The following ZNF727 variants were observed in gnomAD, a reference collection of about 807,000 sequenced individuals.
ZNF727 encodes the protein zinc finger protein 727, also known as putative zinc finger protein 727.
Under a neutral mutation model 11.5 loss-of-function variants are expected in ZNF727, and 11 were observed. That is an observed-to-expected ratio of 0.95 (90% CI 0.60 to 1.58). ZNF727 has a LOEUF of 1.58. Among genes scored for constraint, ZNF727 ranks in the 40% most tolerant of loss-of-function variants. The pLI, the probability that ZNF727 is intolerant of heterozygous loss-of-function variation, is 0.00. For synonymous variants in ZNF727, 171 were observed against 196.1 expected, an observed-to-expected ratio of 0.87 and a Z score of 1.07; for missense variants, 533 against 581.7, an observed-to-expected ratio of 0.92 and a Z score of 0.86.
chr7:64,076,454 T>C (rs1416129152), intron 3 of ZNF727, among the ~76,000 whole-genome samples: 1 of 152,008 alleles, frequency 6.6e-6, no homozygotes, highest in Non-Finnish European at 1.5e-5. Flanking sequence ...CTAGTAAACA[T>C]ACAAAATTAG....
intron 1 of ZNF727, among the ~76,000 whole-genome samples, chr7:64,051,677 C>A (rs1789600495): frequency 6.6e-6 from 1 of 152,092 alleles, no homozygotes; most frequent in South Asian, 2.1e-4. Context: ...AGCTGGAATG[C>A]TGTTTTGCTA....
At chr7:64,076,052 G>A (rs1283315093) in intron 3 of ZNF727, among the ~76,000 whole-genome samples, 8 of 134,214 alleles carry the variant, frequency 6.0e-5, no homozygotes, top group Non-Finnish European at 1.3e-4. Flanking sequence ...ATATTTTAGT[G>A]GCTCATGTTT....
intron 1 of ZNF727, among the ~76,000 whole-genome samples, chr7:64,048,111 G>A (rs1168026221): frequency 6.6e-6 from 1 of 152,016 alleles, no homozygotes; most frequent in Non-Finnish European, 1.5e-5. Context: ...TTGTTGCCTT[G>A]AATATATATG....
chr7:64,067,714 A>G (rs891607382), intron 1 of ZNF727, among the ~76,000 whole-genome samples: 6 of 152,126 alleles, frequency 3.9e-5, no homozygotes, highest in Non-Finnish European at 5.9e-5. Context: ...AGGGAGGGGA[A>G]CATCTCACAC....
In ZNF727 at chr7:64,084,866, A is replaced by G. The variant is rs1785849708; in HGVS notation, c.*6317A>G. On this transcript the variant is annotated 3_prime_UTR_variant, in exon 4 of 4. Coordinates refer to ENST00000456806, the MANE Select transcript of ZNF727 (RefSeq NM_001159522.3). Reference sequence around the variant, plus strand: ...CCTATTTTGAGAAGAAAAGAAAAATATTAGAGTGAAACAGATAATTTTACA... The same window carrying G: ...CCTATTTTGAGAAGAAAAGAAAAATGTTAGAGTGAAACAGATAATTTTACA... Among the ~76,000 whole-genome samples the G allele has an allele frequency of 6.6e-6, 1 of 152,174 alleles. No homozygotes were observed.
At chr7:64,060,118 A>T (rs1789747490) in intron 1 of ZNF727, among the ~76,000 whole-genome samples, 1 of 152,180 alleles carries the variant, frequency 6.6e-6, no homozygotes, top group Non-Finnish European at 1.5e-5. Context: ...TTTATTTAGG[A>T]TAAACTATAT....
chr7:64,053,137 G>A (rs1302392436), intron 1 of ZNF727, among the ~76,000 whole-genome samples: 1 of 152,080 alleles, frequency 6.6e-6, no homozygotes, highest in Non-Finnish European at 1.5e-5. Flanking sequence ...ACGAGATTTA[G>A]GAAGGGTACG....
chr7:64,068,670 C>A (rs559742842), intron 1 of ZNF727, among the ~76,000 whole-genome samples: 83 of 152,168 alleles, frequency 5.5e-4, no homozygotes, highest in African/African-American at 2.0e-3. Context: ...TATACTGTAT[C>A]ATCAAGAAAA....
intron 1 of ZNF727, among the ~76,000 whole-genome samples, chr7:64,061,021 C>T (rs948679620): frequency 5.3e-5 from 8 of 151,938 alleles, no homozygotes; most frequent in Admixed American, 4.6e-4. Context: ...ATTCTATTAT[C>T]GTCAGAGAAA....
chr7:64,069,599 C>T lies in ZNF727; in HGVS notation c.216C>T (p.Ala72=). Residue 72 remains alanine, a synonymous_variant, in exon 3 of 4, where the codon GCC becomes GCT. Coordinates refer to ENST00000456806, the MANE Select transcript of ZNF727 (RefSeq NM_001159522.3). ...PWNARRQKTV[A]KHPAGSLHFT... ...ATGCGAGGAGACAGAAGACAGTAGC[C>T]AAACACCCAGGTAGGTGGGAGTGAG... 1 of 1,561,042 alleles carries T rather than the reference C, an allele frequency of 6.4e-7. No homozygotes were observed. The highest frequency in any genetic ancestry group is 1.9e-5 in the Admixed American group (1 of 52,078).
At chr7:64,057,772 A>G (rs996767293) in intron 1 of ZNF727, among the ~76,000 whole-genome samples, 6 of 152,126 alleles carry the variant, frequency 3.9e-5, no homozygotes, top group Non-Finnish European at 5.9e-5. Context: ...TGTGGTACAA[A>G]AATTCATAGT....
chr7:64,078,316 C>T lies in ZNF727; in HGVS notation c.1267C>T (p.Pro423Ser). 6.3e-7 allele frequency: 1 copy of T among 1,579,336 alleles called. No homozygotes were observed. Residue 423 changes from proline (P) to serine (S), a missense_variant, in exon 4 of 4, where the codon CCT becomes TCT. Physicochemically the swap from Pro to Ser is moderately conservative, Grantham distance 74. Around this residue, in one of 3 missense-constraint regions of ZNF727, gnomAD observed 463 missense variants for 494.5 expected, o/e 0.94. Transcript: ENST00000456806. ...KHKRIHMEVR[P>S]YKCEECGKTF... ...CAAGAGAATTCATATGGAAGTGAGACCTTACAAATGTGAAGAATGTGGCAA... is the reference window on the plus strand; with the variant it reads ...CAAGAGAATTCATATGGAAGTGAGATCTTACAAATGTGAAGAATGTGGCAA...
At chr7:64,058,840 T>C (rs1789726067) in intron 1 of ZNF727, among the ~76,000 whole-genome samples, 1 of 152,258 alleles carries the variant, frequency 6.6e-6, no homozygotes. Flanking sequence ...TACATCTGTA[T>C]TCTTTTGTCA....
chr7:64,051,343 C>T (rs1789595083), intron 1 of ZNF727, among the ~76,000 whole-genome samples: 1 of 152,184 alleles, frequency 6.6e-6, no homozygotes, highest in Middle Eastern at 3.4e-3. Context: ...CACAGCTTAC[C>T]GCAAATGGGG....
At chr7:64,050,649 A>G (rs758895855) in intron 1 of ZNF727, among the ~76,000 whole-genome samples, 5 of 152,194 alleles carry the variant, frequency 3.3e-5, no homozygotes, top group Non-Finnish European at 7.4e-5. Context: ...TCAGCAAGAG[A>G]AGAAACAGGC....
Position 64,077,872 on chromosome 7 carries a change from AAG to A in ZNF727, c.827_828del (p.Arg276AsnfsTer11). ...GTGTTGCTCAGACCTTACTAAACAT[AAG>A]AGAATTCATACTGGAGAGAAACCCT... ...FRCCSDLTKHKRIHTGEKPYK... is the reference protein window; with the variant it reads ...FRCCSDLTKHXRIHTGEKPYK... On this transcript the variant is annotated frameshift_variant, in exon 4 of 4. Transcript: ENST00000456806. LOFTEE classifies it low-confidence loss of function (END_TRUNC). 1 of 1,574,438 alleles carries A rather than the reference AAG, an allele frequency of 6.4e-7. No homozygotes were observed. Among genetic ancestry groups the A allele is most frequent in the Non-Finnish European group, 8.6e-7 (1 of 1,159,454 alleles).
chr7:64,048,111 G>C (rs1168026221), intron 1 of ZNF727, among the ~76,000 whole-genome samples: 37 of 152,008 alleles, frequency 2.4e-4, no homozygotes, highest in African/African-American at 8.2e-4. Flanking sequence ...TTGTTGCCTT[G>C]AATATATATG....
At chr7:64,050,278 A>G (rs1459187693) in intron 1 of ZNF727, among the ~76,000 whole-genome samples, 1 of 152,148 alleles carries the variant, frequency 6.6e-6, no homozygotes, top group African/African-American at 2.4e-5. Flanking sequence ...ACATACATGT[A>G]GACCCAAAAT....
intron 1 of ZNF727, among the ~76,000 whole-genome samples, chr7:64,060,646 C>A (rs924495737): frequency 5.3e-5 from 8 of 152,106 alleles, no homozygotes; most frequent in African/African-American, 1.9e-4. Context: ...TTTATCTTTT[C>A]AAAAAACTAA....
Sources: gnomAD v4.1 joint callset for allele counts (sites outside exome capture counted in the v4.1 genomes callset) on GRCh38, gnomAD v4.1.1 for gene constraint, gnomAD v4.1.1 regional missense constraint, MANE v1.5 for transcripts, NCBI Gene and HGNC (gene_info 2026-07-23, HGNC 2026-07-21) for gene names.